Variants in TMPRSS11F observed in about 807,000 individuals in gnomAD.
TMPRSS11F encodes transmembrane protease serine 11F.
In TMPRSS11F, 47 loss-of-function variants were observed where a neutral mutation model predicts 60.2. The observed-to-expected ratio is 0.78, with a 90% CI of 0.62 to 1.00. The LOEUF (loss-of-function observed/expected upper bound fraction) is 1.00. Among genes scored for constraint, TMPRSS11F ranks in the 50% least tolerant of loss-of-function variants. The pLI, the probability that TMPRSS11F is intolerant of heterozygous loss-of-function variation, is 0.00. For synonymous variants in TMPRSS11F, 166 were observed against 167.3 expected, an observed-to-expected ratio of 0.99 and a Z score of 0.06; for missense variants, 519 against 522.9, an observed-to-expected ratio of 0.99 and a Z score of 0.07.
At chr4:68,078,334 G>A (rs191968950) in intron 3 of TMPRSS11F, among the ~76,000 whole-genome samples, 216 of 152,134 alleles carry the variant, frequency 1.4e-3, no homozygotes, top group African/African-American at 5.1e-3. Context: ...CCTTACTTGA[G>A]AAACTCTAAT....
chr4:68,073,001 T>C (rs990115873), intron 4 of TMPRSS11F, among the ~76,000 whole-genome samples: 1 of 152,136 alleles, frequency 6.6e-6, no homozygotes, highest in African/African-American at 2.4e-5. Context: ...ATCTGGCCAA[T>C]GAAATATGGA....
intron 1 of TMPRSS11F, among the ~76,000 whole-genome samples, chr4:68,118,219 CACCA>C (rs1422081473): frequency 6.6e-6 from 1 of 152,136 alleles, no homozygotes; most frequent in Non-Finnish European, 1.5e-5. Context: ...ATATTGTTAA[CACCA>C]ACCAGTGTGA....
chr4:68,092,168 A>T (rs547488581), intron 2 of TMPRSS11F, among the ~76,000 whole-genome samples: 2 of 151,878 alleles, frequency 1.3e-5, no homozygotes, highest in East Asian at 3.9e-4. Flanking sequence ...ATTCATTTAA[A>T]TTTTTTTAAA....
At chr4:68,095,776 A>T (rs180964312) in intron 2 of TMPRSS11F, among the ~76,000 whole-genome samples, 2 of 151,152 alleles carry the variant, frequency 1.3e-5, no homozygotes, top group African/African-American at 4.8e-5. Flanking sequence ...GGTGCCTGTA[A>T]TCCCAGCTAC....
intron 2 of TMPRSS11F, among the ~76,000 whole-genome samples, chr4:68,093,650 C>T (rs960574918): frequency 2.0e-5 from 3 of 151,864 alleles, no homozygotes; most frequent in African/African-American, 7.2e-5. Context: ...ACCTACTCGT[C>T]TGACAAAGGG....
chr4:68,122,419 AG>A lies in TMPRSS11F; in HGVS notation c.11+7390del, dbSNP rs200086858. On this transcript the variant is annotated intron_variant, in intron 1 of 9. Coordinates refer to ENST00000356291, the MANE Select transcript of TMPRSS11F (RefSeq NM_207407.2). Reference sequence around the variant, plus strand: ...GAAAAATAATTACAGCCAGGAAAAAAGCTTATTTCATAGCTGTATGAATGAT... The same window carrying A: ...GAAAAATAATTACAGCCAGGAAAAAACTTATTTCATAGCTGTATGAATGAT... 3.5e-3 allele frequency among the ~76,000 whole-genome samples: 539 copies of A among 152,278 alleles called. 8 individuals are homozygous for A. Among genetic ancestry groups the A allele is most frequent in the African/African-American group, 0.013 (521 of 41,574 alleles).
chr4:68,075,934 A>G (rs2109850016), intron 3 of TMPRSS11F, among the ~76,000 whole-genome samples: 1 of 152,088 alleles, frequency 6.6e-6, no homozygotes, highest in South Asian at 2.1e-4. Context: ...CGGAGCTTGC[A>G]GTGAGCCAAG....
chr4:68,102,537 T>A (rs1474103771), intron 1 of TMPRSS11F, among the ~76,000 whole-genome samples: 1 of 152,152 alleles, frequency 6.6e-6, no homozygotes, highest in African/African-American at 2.4e-5. Context: ...TGGTATCTCA[T>A]GTTAGTTTTA....
intron 3 of TMPRSS11F, among the ~76,000 whole-genome samples, chr4:68,074,718 TG>T (rs35020000): frequency 0.22 from 33,141 of 152,152 alleles, 4,044 homozygotes; most frequent in Admixed American, 0.37. Flanking sequence ...TCTAAGCCAT[TG>T]GAAATTTTTC....
intron 3 of TMPRSS11F, among the ~76,000 whole-genome samples, chr4:68,083,322 G>T (rs1283629795): frequency 6.6e-6 from 1 of 152,132 alleles, no homozygotes; most frequent in Non-Finnish European, 1.5e-5. Flanking sequence ...GTGATTAAAG[G>T]GGGCCCCCTA....
intron 1 of TMPRSS11F, among the ~76,000 whole-genome samples, chr4:68,115,891 T>A (rs560140767): frequency 6.6e-6 from 1 of 152,290 alleles, no homozygotes; most frequent in Non-Finnish European, 1.5e-5. Context: ...GAGAGATATA[T>A]TATGCTTAAT....
intron 9 of TMPRSS11F, among the ~76,000 whole-genome samples, chr4:68,058,444 G>A (rs964087941): frequency 6.6e-6 from 1 of 152,126 alleles, no homozygotes; most frequent in Admixed American, 6.6e-5. Flanking sequence ...AGAAAACAGA[G>A]GAATCAATGG....
chr4:68,092,090 C>T (rs1723956010), intron 2 of TMPRSS11F, among the ~76,000 whole-genome samples: 1 of 152,082 alleles, frequency 6.6e-6, no homozygotes. Context: ...CTGGCCAGAT[C>T]TCCAATCTCT....
intron 1 of TMPRSS11F, among the ~76,000 whole-genome samples, chr4:68,115,184 C>T (rs892687742): frequency 6.6e-6 from 1 of 150,550 alleles, no homozygotes; most frequent in Non-Finnish European, 1.5e-5. Context: ...CTCGTCTTTA[C>T]TAAAAAATAC....
chr4:68,100,678 A>T (rs1467749036), intron 1 of TMPRSS11F, among the ~76,000 whole-genome samples: 1 of 152,140 alleles, frequency 6.6e-6, no homozygotes, highest in Admixed American at 6.6e-5. Flanking sequence ...ATAAAGAGCA[A>T]TTTGCTGTCC....
At chr4:68,109,820 A>G (rs762099695) in intron 1 of TMPRSS11F, among the ~76,000 whole-genome samples, 1 of 152,198 alleles carries the variant, frequency 6.6e-6, no homozygotes, top group Non-Finnish European at 1.5e-5. Context: ...AAACAAGAAA[A>G]CACTGGGCAA....
chr4:68,075,589 T>A (rs1489824880), intron 3 of TMPRSS11F, among the ~76,000 whole-genome samples: 1 of 152,164 alleles, frequency 6.6e-6, no homozygotes, highest in African/African-American at 2.4e-5. Flanking sequence ...GTACTTAATA[T>A]ATACTCAGTG....
intron 9 of TMPRSS11F, among the ~76,000 whole-genome samples, 190 bp downstream of exon 9, chr4:68,059,136 T>A (rs556710572): frequency 6.6e-6 from 1 of 152,296 alleles, no homozygotes; most frequent in African/African-American, 2.4e-5. Flanking sequence ...GTATAAAAAG[T>A]GCTTAATTTT....
rs1431013472 is a variant in TMPRSS11F, at chr4:68,122,382, A to C, written c.11+7428T>G. Among the ~76,000 whole-genome samples the C allele has an allele frequency of 2.0e-5, 3 of 152,274 alleles. No individual in the cohort carries two copies. The East Asian group carries it at 5.8e-4, about 29-fold the overall frequency. On this transcript the variant is annotated intron_variant, in intron 1 of 9. Coordinates refer to ENST00000356291, the MANE Select transcript of TMPRSS11F (RefSeq NM_207407.2). ...TTATTATAGTACTGTATCTGGCTAC[A>C]GATAAAATTCTGAAAAATAATTACA...
Sources: gnomAD v4.1 joint callset for allele counts (sites outside exome capture counted in the v4.1 genomes callset) on GRCh38, gnomAD v4.1.1 for gene constraint, MANE v1.5 for transcripts, NCBI Gene and HGNC (gene_info 2026-07-23, HGNC 2026-07-21) for gene names.